COL1A2: variants seen among roughly 807,000 people sequenced by gnomAD.
COL1A2 encodes the protein collagen type I alpha 2 chain.
Under a neutral mutation model 174.3 loss-of-function variants are expected in COL1A2, and 49 were observed. That is an observed-to-expected ratio of 0.28 (90% confidence interval 0.22 to 0.36). The LOEUF (loss-of-function observed/expected upper bound fraction) is 0.36, where lower values mean the gene tolerates loss of function less well. COL1A2 is among the 10% of genes least tolerant of loss of function. COL1A2 has a pLI of 1.00. For missense variants in COL1A2, 1,438 were observed against 1,822.7 expected (o/e 0.79, Z 3.84); for synonymous variants, 655 against 606.6 (o/e 1.08, Z -1.17).
rs528919010 is a variant in COL1A2, at chr7:94,395,202, A to G, written c.70+101A>G. The stretch of plus-strand genomic sequence containing the variant: ...AACCTGTAACCTGAATTCCAGGTAC[A>G]CTTGGAGGGCAGACTCTCAGGCATG... On this transcript the variant is annotated intron_variant, in intron 1 of 51. Transcript: ENST00000297268. 34 of 928,352 alleles carry G rather than the reference A, an allele frequency of 3.7e-5. No homozygotes were observed. In the South Asian group the frequency reaches 3.9e-4, roughly 11 times the overall value. 57.5% of individuals were successfully genotyped at this position (928,352 alleles called of 1,614,324 possible).
chr7:94,423,441 C>T (rs1049725295), intron 40 of COL1A2: 7 of 377,070 alleles, frequency 1.9e-5, no homozygotes, highest in Admixed American at 1.1e-4. Flanking sequence ...TAATCAATCT[C>T]AGTAGGCTAC....
intron 10 of COL1A2, 134 bp from the exon 11 acceptor site, chr7:94,405,539 C>T (rs1791777642): frequency 2.3e-6 from 2 of 861,346 alleles, no homozygotes; most frequent in East Asian, 2.4e-5. Flanking sequence ...ATTTGTCACT[C>T]TGTGCTTAGA....
chr7:94,418,424 A>G, intron 32 of COL1A2, 75 bp from the exon 33 acceptor site: 1 of 1,325,214 alleles, frequency 7.5e-7, no homozygotes, highest in Admixed American at 1.7e-5. Context: ...TGTAAAAAAG[A>G]AAAAAACTTC....
Position 94,420,421 on chromosome 7 carries a change from C to T in COL1A2, c.2164C>T (p.Pro722Ser), listed in dbSNP as rs1792133829. The T allele has an allele frequency of 1.2e-6, 2 of 1,613,914 alleles. No homozygotes were observed. Among genetic ancestry groups the T allele is most frequent in the African/African-American group, 1.3e-5 (1 of 74,858 alleles). Residue 722 changes from proline (P) to serine (S), a missense_variant, in exon 36 of 52, where the codon CCC becomes TCC. Around this residue, in one of 3 missense-constraint regions of COL1A2, gnomAD observed 867 missense variants for 1,213.7 expected, o/e 0.71. Transcript: ENST00000297268. ...ACGTGGTGAGGTCGGTCCTGCTGGCCCCAATGGATTTGCTGGTCCTGCTGT... is the reference window on the plus strand; with the variant it reads ...ACGTGGTGAGGTCGGTCCTGCTGGCTCCAATGGATTTGCTGGTCCTGCTGT... ...GERGEVGPAGPNGFAGPAGAA... is the reference protein window; with the variant it reads ...GERGEVGPAGSNGFAGPAGAA...
At chr7:94,429,502 A>T in intron 51 of COL1A2, 72 bp downstream of exon 51, 1 of 1,554,746 alleles carries the variant, frequency 6.4e-7, no homozygotes, top group Non-Finnish European at 8.8e-7. Context: ...GACTGCCCCC[A>T]AGGGGGGGTC....
intron 41 of COL1A2, 97 bp downstream of exon 41, chr7:94,424,540 T>C (rs1792235254): frequency 3.6e-6 from 4 of 1,096,448 alleles, no homozygotes; most frequent in Non-Finnish European, 4.2e-6. Flanking sequence ...ATAACTTCAC[T>C]TAAGATTTTT....
At chr7:94,402,157 G>A (rs1358986563) in intron 6 of COL1A2, among the ~76,000 whole-genome samples, 1 of 152,016 alleles carries the variant, frequency 6.6e-6, no homozygotes, top group Non-Finnish European at 1.5e-5. Context: ...ACTAGAACTA[G>A]ATGCCAGGCA....
Position 94,425,624 on chromosome 7 carries a change from C to A in COL1A2, c.2796C>A (p.Asn932Lys). Residue 932 changes from asparagine (N) to lysine (K), a missense_variant, in exon 43 of 52, where the codon AAC (asparagine) becomes AAA (lysine). By Grantham distance (94) the Asn-to-Lys change is moderately conservative. Around this residue, in one of 3 missense-constraint regions of COL1A2, gnomAD observed 867 missense variants for 1,213.7 expected, o/e 0.71. Coordinates refer to ENST00000297268, the MANE Select transcript of COL1A2 (RefSeq NM_000089.4). The stretch of plus-strand genomic sequence containing the variant: ...TGTCTTCACAGGGCAACCCTGGGAA[C>A]GATGGTCCCCCAGGTCGCGATGGTC... The part of the protein sequence containing the change: ...GEAGRDGNPG[N>K]DGPPGRDGQP... The A allele has an allele frequency of 6.2e-7, 1 of 1,614,058 alleles. No individual in the cohort carries two copies. The highest frequency in any genetic ancestry group is 8.5e-7 in the Non-Finnish European group (1 of 1,179,954).
intron 45 of COL1A2, 151 bp downstream of exon 45, chr7:94,426,202 C>G: frequency 1.1e-6 from 1 of 876,528 alleles, no homozygotes; most frequent in African/African-American, 1.7e-5. Context: ...ATAACTTGAG[C>G]TATTTTAAAT....
In COL1A2 at chr7:94,420,284, C is replaced by T; in HGVS notation, c.2131C>T (p.Pro711Ser). Residue 711 changes from proline (P) to serine (S), a missense_variant and splice_region_variant, in exon 35 of 52, where the codon CCT becomes TCT. By Grantham distance (74) the Pro-to-Ser change is moderately conservative. This residue lies in a region of COL1A2 where 867 missense variants were observed against 1,213.7 expected (regional missense o/e 0.71). Coordinates refer to ENST00000297268, the MANE Select transcript of COL1A2 (RefSeq NM_000089.4). ...PAGPAGPRGS[P>S]GERGEVGPAG... The stretch of plus-strand genomic sequence containing the variant: ...TGGTCCTGCTGGTCCTCGGGGAAGC[C>T]CTGTAAGTAAGAACCTGGGTCATTT... The T allele has an allele frequency of 6.2e-7, 1 of 1,613,812 alleles. No individual in the cohort carries two copies. Among genetic ancestry groups the T allele is most frequent in the Non-Finnish European group, 8.5e-7 (1 of 1,179,994 alleles).
Position 94,422,940 on chromosome 7 carries a change from T to G in COL1A2, c.2404-17T>G, listed in dbSNP as rs1223498548. ...GTGATTAACAGAAAGGAAATGACCT[T>G]GTACATTTGCTCATAGGGTATTTCT... On this transcript the variant is annotated splice_polypyrimidine_tract_variant and intron_variant, in intron 39 of 51. Coordinates refer to ENST00000297268, the MANE Select transcript of COL1A2 (RefSeq NM_000089.4). The G allele has an allele frequency of 6.2e-7, 1 of 1,613,980 alleles. No individual in the cohort carries two copies. The highest frequency in any genetic ancestry group is 8.5e-7 in the Non-Finnish European group (1 of 1,179,978).
At position 94,427,228 on chromosome 7, in the gene COL1A2, G is replaced by A. The variant is rs530026906; in HGVS notation, c.3200G>A (p.Arg1067His). Reference protein sequence around the residue: ...GPSGPAGKDGRTGHPGTVGPA... With the variant: ...GPSGPAGKDGHTGHPGTVGPA... ...TCTGGCCCTGCTGGAAAAGATGGTC[G>A]CACTGGACATCCTGGTACAGTTGGA... Residue 1067 changes from arginine (R) to histidine (H), a missense_variant, in exon 48 of 52, where the codon CGC becomes CAC. By Grantham distance (29) the Arg-to-His change is conservative. Around this residue, in one of 3 missense-constraint regions of COL1A2, gnomAD observed 867 missense variants for 1,213.7 expected, o/e 0.71. Coordinates refer to ENST00000297268, the MANE Select transcript of COL1A2 (RefSeq NM_000089.4). The A allele has an allele frequency of 3.7e-5, 59 of 1,613,784 alleles. No individual in the cohort carries two copies. The highest frequency in any genetic ancestry group is 3.3e-4 in the East Asian group (15 of 44,812).
chr7:94,427,378 A>G, intron 48 of COL1A2, 83 bp downstream of exon 48: 1 of 1,335,712 alleles, frequency 7.5e-7, no homozygotes, highest in South Asian at 1.3e-5. Context: ...CAACTTTGAC[A>G]ACCCATTAAA....
At position 94,408,186 on chromosome 7, in the gene COL1A2, G is replaced by C. The variant is rs1166707816; in HGVS notation, c.643G>C (p.Ala215Pro). ...TTGAAAATATTTCTGCTTCTAGGGA[G>C]CCCGTGGGCTTCCTGGTGAGAGAGG... ...GENGTPGQTG[A>P]RGLPGERGRV... The change falls in exon 14 of 52, where the codon GCC becomes CCC. Residue 215 changes from alanine to proline, a missense_variant. Transcript: ENST00000297268. 1 of 1,613,970 alleles carries C rather than the reference G, an allele frequency of 6.2e-7. No individual in the cohort carries two copies. The highest frequency in any genetic ancestry group is 1.7e-5 in the Admixed American group (1 of 60,014).
intron 11 of COL1A2, 149 bp downstream of exon 11, chr7:94,405,875 T>C (rs1226215092): frequency 1.3e-6 from 1 of 783,320 alleles, no homozygotes; most frequent in African/African-American, 1.7e-5. Flanking sequence ...TCAGATTTCT[T>C]GAAAGTAAAG....
intron 51 of COL1A2, 71 bp from the exon 52 acceptor site, chr7:94,430,176 T>C: frequency 6.8e-7 from 1 of 1,471,666 alleles, no homozygotes; most frequent in African/African-American, 1.4e-5. Flanking sequence ...TCTTATTAAA[T>C]CAAAGGTTCA....
chr7:94,405,873 C>T, intron 11 of COL1A2, 147 bp downstream of exon 11: 2 of 787,100 alleles, frequency 2.5e-6, no homozygotes, highest in Admixed American at 4.2e-5. Flanking sequence ...AGTCAGATTT[C>T]TTGAAAGTAA....
chr7:94,405,607 G>A lies in COL1A2; in HGVS notation c.487-66G>A, dbSNP rs977517026. The A allele has an allele frequency of 2.9e-6, 4 of 1,387,050 alleles. No homozygotes were observed. The African/African-American group carries it at 4.3e-5, about 15-fold the overall frequency. 85.9% of individuals were successfully genotyped at this position (1,387,050 alleles called of 1,614,324 possible). On this transcript the variant is annotated intron_variant, in intron 10 of 51. Transcript: ENST00000297268. ...TTGATGAGAATAAATACTTTGGAGG[G>A]AAGAAGTCACTGTCTTTTTATTTAT...
chr7:94,395,202 A>T, intron 1 of COL1A2, 101 bp downstream of exon 1: 1 of 928,352 alleles, frequency 1.1e-6, no homozygotes, highest in East Asian at 2.4e-5. Context: ...TTCCAGGTAC[A>T]CTTGGAGGGC....
Sources: gnomAD v4.1 joint callset for allele counts (sites outside exome capture counted in the v4.1 genomes callset) on GRCh38, gnomAD v4.1.1 for gene constraint, gnomAD v4.1.1 regional missense constraint, MANE v1.5 for transcripts, NCBI Gene and HGNC (gene_info 2026-07-23, HGNC 2026-07-21) for gene names.